The following LRRC4C variants were observed in gnomAD, a reference collection of about 807,000 sequenced individuals.
LRRC4C encodes leucine-rich repeat-containing protein 4C.
A neutral mutation model predicts 33.6 loss-of-function variants in LRRC4C; 5 were observed. The observed-to-expected ratio is 0.15, with a 90% CI of 0.08 to 0.31. The LOEUF (loss-of-function observed/expected upper bound fraction) is 0.31, where lower values mean the gene tolerates loss of function less well. Ranked by LOEUF, LRRC4C falls within the 10% of genes least tolerant of loss-of-function variation. The pLI, the probability that LRRC4C is intolerant of heterozygous loss-of-function variation, is 1.00. For missense variants in LRRC4C, 560 were observed against 796.7 expected, an observed-to-expected ratio of 0.70 and a Z score of 3.58; for synonymous variants, 329 against 302.0, an observed-to-expected ratio of 1.09 and a Z score of -0.93.
chr11:41,437,433 A>T (rs568746267), intron 1 of LRRC4C, among the ~76,000 whole-genome samples: 6 of 151,646 alleles, frequency 4.0e-5, no homozygotes, highest in African/African-American at 1.5e-4. Flanking sequence ...GCGCACACAC[A>T]CACACACACA....
intron 3 of LRRC4C, among the ~76,000 whole-genome samples, chr11:40,619,641 T>C (rs1237871755): frequency 6.6e-6 from 1 of 151,690 alleles, no homozygotes; most frequent in Admixed American, 6.6e-5. Context: ...CGTAGATCAA[T>C]TTTTGCCTTC....
intron 2 of LRRC4C, among the ~76,000 whole-genome samples, chr11:40,751,083 AAG>A (rs762761213): frequency 2.8e-5 from 4 of 142,086 alleles, no homozygotes; most frequent in Non-Finnish European, 6.4e-5. Flanking sequence ...TATGAAAAAA[AAG>A]AATCTTAATC....
intron 3 of LRRC4C, among the ~76,000 whole-genome samples, chr11:40,577,770 C>T (rs1253775689): frequency 6.6e-6 from 1 of 151,820 alleles, no homozygotes; most frequent in Non-Finnish European, 1.5e-5. Context: ...TTGAGAAGCC[C>T]TGTTCTACAT....
chr11:41,212,157 G>C (rs1435470978), intron 1 of LRRC4C, among the ~76,000 whole-genome samples: 1 of 152,106 alleles, frequency 6.6e-6, no homozygotes, highest in African/African-American at 2.4e-5. Flanking sequence ...TTTGAAGAAG[G>C]CATAGTCTTC....
chr11:40,796,278 C>CAGAT (rs1187194207), intron 2 of LRRC4C, among the ~76,000 whole-genome samples: 1 of 152,140 alleles, frequency 6.6e-6, no homozygotes, highest in Non-Finnish European at 1.5e-5. Flanking sequence ...TAGAATTGAG[C>CAGAT]AGATGTTCAA....
At chr11:41,120,914 A>G (rs1942391542) in intron 1 of LRRC4C, among the ~76,000 whole-genome samples, 1 of 151,610 alleles carries the variant, frequency 6.6e-6, no homozygotes, top group South Asian at 2.1e-4. Context: ...TCTTTATCCT[A>G]CTCTGCCCTG....
At chr11:40,126,515 G>A (rs919702675) in intron 6 of LRRC4C, among the ~76,000 whole-genome samples, 1 of 152,224 alleles carries the variant, frequency 6.6e-6, no homozygotes, top group Middle Eastern at 3.4e-3. Flanking sequence ...CAATCTTGGA[G>A]GTATAAAACA....
At chr11:40,383,343 A>G (rs1186066839) in intron 3 of LRRC4C, among the ~76,000 whole-genome samples, 2 of 152,138 alleles carry the variant, frequency 1.3e-5, no homozygotes, top group Non-Finnish European at 2.9e-5. Context: ...TCTGTTTGAT[A>G]TCGTGATTTG....
chr11:40,290,726 G>A (rs1305763823), intron 4 of LRRC4C, among the ~76,000 whole-genome samples: 2 of 151,858 alleles, frequency 1.3e-5, no homozygotes, highest in African/African-American at 4.8e-5. Context: ...TTTTTAAATG[G>A]TATTCAAGCC....
chr11:40,283,930 C>A (rs1439454903), intron 4 of LRRC4C, among the ~76,000 whole-genome samples: 1 of 151,872 alleles, frequency 6.6e-6, no homozygotes, highest in African/African-American at 2.4e-5. Flanking sequence ...CTTGAACTCC[C>A]AACCTCAGTT....
At chr11:41,000,017 A>G (rs11036182) in intron 1 of LRRC4C, among the ~76,000 whole-genome samples, 23,374 of 152,118 alleles carry the variant, frequency 0.15, 1,952 homozygotes, top group Middle Eastern at 0.22. Context: ...GGGTGAGAAA[A>G]CATTAAGCTA....
intron 1 of LRRC4C, among the ~76,000 whole-genome samples, chr11:41,399,213 C>T (rs1953935395): frequency 6.6e-6 from 1 of 151,918 alleles, no homozygotes; most frequent in Non-Finnish European, 1.5e-5. Context: ...GGTTTAATGA[C>T]ACTTGAAAAA....
intron 1 of LRRC4C, among the ~76,000 whole-genome samples, chr11:41,228,802 T>C (rs1393722766): frequency 6.6e-6 from 1 of 152,192 alleles, no homozygotes; most frequent in African/African-American, 2.4e-5. Flanking sequence ...TCAGATCTAT[T>C]TCCAAGTCAC....
chr11:40,230,256 C>T (rs1865106533), intron 5 of LRRC4C, among the ~76,000 whole-genome samples: 1 of 152,188 alleles, frequency 6.6e-6, no homozygotes, highest in Non-Finnish European at 1.5e-5. Flanking sequence ...TTTCTACTTT[C>T]AGAAAAAGGG....
At chr11:40,455,631 G>T (rs1952095292) in intron 3 of LRRC4C, among the ~76,000 whole-genome samples, 1 of 152,080 alleles carries the variant, frequency 6.6e-6, no homozygotes, top group Non-Finnish European at 1.5e-5. Context: ...ATGACAGAGA[G>T]AAAAAGGTCT....
intron 3 of LRRC4C, among the ~76,000 whole-genome samples, chr11:40,556,055 T>G (rs1258190635): frequency 6.6e-6 from 1 of 152,138 alleles, no homozygotes; most frequent in African/African-American, 2.4e-5. Flanking sequence ...TTCCTCCAAT[T>G]TCCCATCTAA....
At chr11:40,739,858 C>T (rs1169451368) in intron 2 of LRRC4C, among the ~76,000 whole-genome samples, 1 of 151,812 alleles carries the variant, frequency 6.6e-6, no homozygotes, top group Non-Finnish European at 1.5e-5. Context: ...ATTACCCAGT[C>T]TCAGGTAGCA....
intron 2 of LRRC4C, among the ~76,000 whole-genome samples, chr11:40,850,575 G>T (rs1317211813): frequency 6.6e-6 from 1 of 152,162 alleles, no homozygotes; most frequent in South Asian, 2.1e-4. Flanking sequence ...CCTGCTGGGA[G>T]GTTTTTCCTT....
chr11:40,387,445 G>T (rs768033578), intron 3 of LRRC4C, among the ~76,000 whole-genome samples: 15 of 152,102 alleles, frequency 9.9e-5, no homozygotes, highest in Non-Finnish European at 1.8e-4. Context: ...TGCAGTCATA[G>T]GTTTCCTTCA....
Sources: allele counts gnomAD v4.1 joint callset (sites outside exome capture counted in the v4.1 genomes callset), GRCh38; gene constraint gnomAD v4.1.1; transcripts MANE v1.5; gene names NCBI Gene and HGNC (gene_info 2026-07-23, HGNC 2026-07-21).